Variants in RABGAP1L observed in about 807,000 individuals in gnomAD.
RABGAP1L encodes rab GTPase-activating protein 1-like.
Under a neutral mutation model 137.7 loss-of-function variants are expected in RABGAP1L, and 63 were observed. That is an observed-to-expected ratio of 0.46 (90% confidence interval 0.37 to 0.56). The LOEUF (loss-of-function observed/expected upper bound fraction) is 0.56. Ranked by LOEUF, RABGAP1L falls within the 20% of genes least tolerant of loss-of-function variation. The pLI is 0.00. For synonymous variants in RABGAP1L, 431 were observed against 433.7 expected (o/e 0.99, Z 0.08); for missense variants, 1,095 against 1,244.0 (o/e 0.88, Z 1.80).
chr1:174,186,415 G>A (rs1320981768), intron 1 of RABGAP1L, among the ~76,000 whole-genome samples: 3 of 152,194 alleles, frequency 2.0e-5, no homozygotes, highest in Non-Finnish European at 4.4e-5. Flanking sequence ...TTGGCAAGCA[G>A]TTATTTTAAA....
intron 13 of RABGAP1L, among the ~76,000 whole-genome samples, chr1:174,583,519 T>C (rs1332738399): frequency 6.6e-6 from 1 of 152,206 alleles, no homozygotes; most frequent in Non-Finnish European, 1.5e-5. Context: ...TCACTATCTC[T>C]TTTTTCCTTT....
At chr1:174,212,087 CAA>C (rs1033712824) in intron 1 of RABGAP1L, among the ~76,000 whole-genome samples, 10 of 152,026 alleles carry the variant, frequency 6.6e-5, no homozygotes, top group African/African-American at 2.4e-4. Flanking sequence ...AAAAAATCAA[CAA>C]AGAGTAATCA....
intron 18 of RABGAP1L, among the ~76,000 whole-genome samples, chr1:174,758,339 A>G (rs533336281): frequency 1.3e-5 from 2 of 151,354 alleles, no homozygotes; most frequent in Admixed American, 1.3e-4. Context: ...TCCAGCCTCT[A>G]GGAATTTGCT....
At chr1:174,296,075 G>A (rs78628152) in intron 10 of RABGAP1L, among the ~76,000 whole-genome samples, 1 of 152,250 alleles carries the variant, frequency 6.6e-6, no homozygotes, top group Non-Finnish European at 1.5e-5. Flanking sequence ...GGATAACACA[G>A]ATCTGGGGGT....
At chr1:174,802,640 C>G (rs919724397) in intron 18 of RABGAP1L, among the ~76,000 whole-genome samples, 10 of 152,192 alleles carry the variant, frequency 6.6e-5, no homozygotes, top group African/African-American at 2.4e-4. Flanking sequence ...GCTGATTTAT[C>G]TTGGGGGCCA....
chr1:174,878,872 T>G (rs922616990), intron 19 of RABGAP1L, among the ~76,000 whole-genome samples: 41 of 150,662 alleles, frequency 2.7e-4, no homozygotes, highest in Admixed American at 5.9e-4. Context: ...ATTTGACCAC[T>G]CATTAGGTAT....
chr1:174,793,445 A>G (rs931581342), intron 18 of RABGAP1L, among the ~76,000 whole-genome samples: 5 of 152,258 alleles, frequency 3.3e-5, no homozygotes, highest in Admixed American at 2.0e-4. Flanking sequence ...TGCTATAAAC[A>G]TGTGACCTCA....
chr1:174,767,821 G>C (rs1202330138), intron 18 of RABGAP1L, among the ~76,000 whole-genome samples: 1 of 152,100 alleles, frequency 6.6e-6, no homozygotes, highest in Non-Finnish European at 1.5e-5. Context: ...GGGTTTATTG[G>C]ACTTACAGTT....
At chr1:174,642,783 TCTC>T (rs1379009722) in intron 14 of RABGAP1L, among the ~76,000 whole-genome samples, 2 of 116,264 alleles carry the variant, frequency 1.7e-5, no homozygotes, top group Admixed American at 1.1e-4. Context: ...CCCCCTCTCC[TCTC>T]CTCTTCTCTC....
At chr1:174,848,577 C>G (rs1448751233) in intron 19 of RABGAP1L, among the ~76,000 whole-genome samples, 1 of 147,864 alleles carries the variant, frequency 6.8e-6, no homozygotes, top group Non-Finnish European at 1.5e-5. Flanking sequence ...AGGAGGCAGT[C>G]TGCCCGTTCT....
At chr1:174,922,353 C>T (rs776791182) in intron 19 of RABGAP1L, 12 of 196,866 alleles carry the variant, frequency 6.1e-5, no homozygotes, top group Admixed American at 9.3e-5. Flanking sequence ...TCCTTGGGCA[C>T]GCATCAGGCG....
intron 13 of RABGAP1L, among the ~76,000 whole-genome samples, chr1:174,447,070 G>A (rs993244415): frequency 1.3e-5 from 2 of 151,986 alleles, no homozygotes; most frequent in African/African-American, 4.8e-5. Context: ...TAAGGAAGGT[G>A]GTATATGAAA....
chr1:174,306,464 G>C (rs996816761), intron 11 of RABGAP1L, among the ~76,000 whole-genome samples: 1 of 152,158 alleles, frequency 6.6e-6, no homozygotes, highest in Non-Finnish European at 1.5e-5. Context: ...ATTCTAACTG[G>C]TGTGAGATGG....
At chr1:174,654,327 A>C (rs1572697854) in intron 14 of RABGAP1L, among the ~76,000 whole-genome samples, 1 of 152,156 alleles carries the variant, frequency 6.6e-6, no homozygotes, top group East Asian at 1.9e-4. Flanking sequence ...TTGGAGACCT[A>C]ATGTGTATTT....
intron 13 of RABGAP1L, among the ~76,000 whole-genome samples, chr1:174,614,397 C>T (rs909658456): frequency 3.3e-5 from 5 of 152,144 alleles, no homozygotes; most frequent in South Asian, 2.1e-4. Context: ...CCACTCTCTT[C>T]TGGCTTCCCC....
intron 11 of RABGAP1L, 51 bp from the exon 12 acceptor site, chr1:174,370,928 C>A: frequency 1.1e-6 from 1 of 947,234 alleles, no homozygotes; most frequent in South Asian, 2.4e-5. Context: ...TATAAAGTAT[C>A]TACTGTAATA....
In RABGAP1L at chr1:174,836,220, T is replaced by C. The variant is rs573944562; in HGVS notation, c.2340+24260T>C. ...TTTCTGTCATACATGACCAGGCAAATTGAGTAGATTAGGATGTTAGGAGGT... is the reference window on the plus strand; with the variant it reads ...TTTCTGTCATACATGACCAGGCAAACTGAGTAGATTAGGATGTTAGGAGGT... On this transcript the variant is annotated intron_variant, in intron 19 of 25. Coordinates refer to ENST00000681986, the MANE Select transcript of RABGAP1L (RefSeq NM_001366446.1). 6.4e-4 allele frequency among the ~76,000 whole-genome samples: 98 copies of C among 152,220 alleles called. 1 individual carries two copies. Among genetic ancestry groups the C allele is most frequent in the African/African-American group, 2.2e-3 (90 of 41,528 alleles).
At chr1:174,737,001 C>T (rs1007435546) in intron 17 of RABGAP1L, among the ~76,000 whole-genome samples, 1 of 152,230 alleles carries the variant, frequency 6.6e-6, no homozygotes, top group Non-Finnish European at 1.5e-5. Flanking sequence ...TCTGAAATAC[C>T]TTCAAGGCCT....
chr1:174,965,701 T>C (rs913106050), intron 20 of RABGAP1L, among the ~76,000 whole-genome samples: 1 of 152,238 alleles, frequency 6.6e-6, no homozygotes, highest in African/African-American at 2.4e-5. Context: ...TACTGCATTT[T>C]TGGCCCCGTA....
Sources: gnomAD v4.1 joint callset for allele counts (sites outside exome capture counted in the v4.1 genomes callset) on GRCh38, gnomAD v4.1.1 for gene constraint, MANE v1.5 for transcripts, NCBI Gene and HGNC (gene_info 2026-07-23, HGNC 2026-07-21) for gene names.